Variants in SLC9A2 observed in about 807,000 individuals in gnomAD.
The protein encoded by SLC9A2 is solute carrier family 9 member A2, also known as sodium/hydrogen exchanger 2.
A neutral mutation model predicts 71.7 loss-of-function variants in SLC9A2; 42 were observed. The observed-to-expected ratio is 0.59, with a 90% CI of 0.46 to 0.76. SLC9A2 has a LOEUF of 0.76. Ranked by LOEUF, SLC9A2 falls within the 30% of genes least tolerant of loss-of-function variation. The pLI is 0.00. For synonymous variants in SLC9A2, 396 were observed against 392.5 expected (o/e 1.01, Z -0.10); for missense variants, 829 against 1,017.4 (o/e 0.81, Z 2.52).
At chr2:102,632,412 G>T (rs558463395) in intron 1 of SLC9A2, among the ~76,000 whole-genome samples, 3 of 151,674 alleles carry the variant, frequency 2.0e-5, no homozygotes, top group South Asian at 2.1e-4. Flanking sequence ...GTGATGTGTA[G>T]ACATGGGCGT....
chr2:102,632,155 C>CATATATATGTATATAT (rs1676385159), intron 1 of SLC9A2, among the ~76,000 whole-genome samples: 3 of 107,358 alleles, frequency 2.8e-5, no homozygotes, highest in African/African-American at 4.4e-5. Flanking sequence ...TACATATATA[C>CATATATATGTATATAT]ACATATATAC....
At chr2:102,642,208 T>G (rs573650736) in intron 1 of SLC9A2, among the ~76,000 whole-genome samples, 11 of 152,332 alleles carry the variant, frequency 7.2e-5, no homozygotes, top group Admixed American at 2.6e-4. Context: ...TGTGCAAGCA[T>G]TTCTTCAACA....
rs13035118 is a variant in SLC9A2, at chr2:102,671,630, T to C, written c.1004+6280T>C. ...AAATTATCTGTATTTATTTTTATGG[T>C]TTAAACCGTTTAATTTAGTAGATTC... On this transcript the variant is annotated intron_variant, in intron 3 of 11. Transcript: ENST00000233969. Among the ~76,000 whole-genome samples the C allele has an allele frequency of 9.9e-3, 1,505 of 152,326 alleles. 27 individuals are homozygous for C. Among genetic ancestry groups the C allele is most frequent in the African/African-American group, 0.032 (1,320 of 41,568 alleles).
intron 3 of SLC9A2, among the ~76,000 whole-genome samples, chr2:102,666,999 C>A (rs893375302): frequency 2.0e-5 from 3 of 152,180 alleles, no homozygotes; most frequent in African/African-American, 7.2e-5. Context: ...CATATATCAG[C>A]ACGTCTGTAT....
intron 1 of SLC9A2, among the ~76,000 whole-genome samples, chr2:102,657,214 A>AAT (rs1553425682): frequency 1.2e-4 from 18 of 151,454 alleles, no homozygotes; most frequent in African/African-American, 4.4e-4. Flanking sequence ...TCAAAAAAAA[A>AAT]AATAATAATA....
rs539921286 is a variant in SLC9A2, at chr2:102,684,243, G to A, written c.1332G>A (p.Ala444=). The A allele has an allele frequency of 9.5e-5, 154 of 1,614,088 alleles. No homozygotes were observed. Among genetic ancestry groups the A allele is most frequent in the East Asian group, 2.7e-4 (12 of 44,888 alleles). The change falls in exon 5 of 12, where the codon GCG becomes GCA. Residue 444 remains alanine, a synonymous_variant. Transcript: ENST00000233969. ...YGGLRGAICF[A]LVFLLPAAVF... is the part of the protein sequence containing the mutation. Reference sequence around the variant, plus strand: ...GACTTCGAGGTGCCATCTGTTTTGCGTTAGTGTTTCTCCTTCCTGCTGCTG... The same window carrying A: ...GACTTCGAGGTGCCATCTGTTTTGCATTAGTGTTTCTCCTTCCTGCTGCTG...
intron 11 of SLC9A2, among the ~76,000 whole-genome samples, chr2:102,707,315 T>C (rs1411162515): frequency 6.8e-6 from 1 of 147,114 alleles, no homozygotes; most frequent in Non-Finnish European, 1.5e-5. Context: ...TTTTTTTTTT[T>C]TGCTTGTTTA....
chr2:102,630,044 TA>T (rs1489726713), intron 1 of SLC9A2, among the ~76,000 whole-genome samples: 1 of 152,098 alleles, frequency 6.6e-6, no homozygotes, highest in Non-Finnish European at 1.5e-5. Flanking sequence ...TACTTGAACT[TA>T]AAAAAATTCT....
rs1676347820 is a variant in SLC9A2 at position 102,631,205 on chromosome 2, C to T, written c.289+11068C>T. The stretch of plus-strand genomic sequence containing the variant: ...TGTGGTATAGACCTGGAATTTTATA[C>T]TTCATGGGCGAATTTCCCCTGGCTC... On this transcript the variant is annotated intron_variant, in intron 1 of 11. Coordinates refer to ENST00000233969, the MANE Select transcript of SLC9A2 (RefSeq NM_003048.6). 2.0e-5 allele frequency among the ~76,000 whole-genome samples: 3 copies of T among 152,150 alleles called. No homozygotes were observed. In the South Asian group the frequency reaches 6.2e-4, roughly 32 times the overall value.
intron 5 of SLC9A2, among the ~76,000 whole-genome samples, chr2:102,690,339 A>T (rs572804362): frequency 6.6e-6 from 1 of 152,130 alleles, no homozygotes; most frequent in East Asian, 1.9e-4. Context: ...GCACAAGAGC[A>T]CTTTGGGTCA....
At chr2:102,632,137 T>TACAC (rs1491461791) in intron 1 of SLC9A2, among the ~76,000 whole-genome samples, 43,810 of 107,708 alleles carry the variant, frequency 0.41, 9,683 homozygotes, top group East Asian at 0.66. Context: ...TACATATATA[T>TACAC]GTATATATAC....
In SLC9A2 at chr2:102,704,493, A is replaced by G. The variant is rs1047786251; in HGVS notation, c.1846-51A>G. ...AGTCTTGGAATTTCTGGGGGAAATG[A>G]TCAGGTTTTTGTTTTTGTTTTTTAA... is the stretch of plus-strand genomic sequence containing the variant. On this transcript the variant is annotated intron_variant, in intron 9 of 11. Transcript: ENST00000233969. 7 of 1,565,102 alleles carry G rather than the reference A, an allele frequency of 4.5e-6. No homozygotes were observed. In the African/African-American group the frequency reaches 8.1e-5, roughly 18 times the overall value.
At position 102,701,221 on chromosome 2, in the gene SLC9A2, G is replaced by T. The variant is rs1677867574; in HGVS notation, c.1738G>T (p.Ala580Ser). 6.3e-7 allele frequency: 1 copy of T among 1,597,306 alleles called. No homozygotes were observed. Among genetic ancestry groups the T allele is most frequent in the African/African-American group, 1.4e-5 (1 of 74,046 alleles). ...TGMISTVPTF[A>S]SLNDCREEKI... ...GATGATAAGTACTGTCCCTACATTT[G>T]CATCTCTAAAGTAAGTATGGTCTTG... The change falls in exon 8 of 12, where the codon GCA becomes TCA. Residue 580 changes from alanine (A) to serine (S), a missense_variant. Ala to Ser is a moderately conservative substitution (Grantham distance 99). Around this residue, in one of 3 missense-constraint regions of SLC9A2, gnomAD observed 500 missense variants for 726.3 expected, o/e 0.69. Coordinates refer to ENST00000233969, the MANE Select transcript of SLC9A2 (RefSeq NM_003048.6).
chr2:102,703,822 T>C (rs1280932463), intron 9 of SLC9A2, among the ~76,000 whole-genome samples: 4 of 152,198 alleles, frequency 2.6e-5, no homozygotes, highest in Admixed American at 2.6e-4. Flanking sequence ...ACAGCCCTAG[T>C]TTAGAAATTT....
At chr2:102,694,058 C>T (rs926143989) in intron 5 of SLC9A2, among the ~76,000 whole-genome samples, 1 of 152,112 alleles carries the variant, frequency 6.6e-6, no homozygotes, top group African/African-American at 2.4e-5. Context: ...ATCTGTCCAC[C>T]TCGGCCTCCC....
chr2:102,649,310 T>G (rs1558707035), intron 1 of SLC9A2, among the ~76,000 whole-genome samples: 1 of 152,292 alleles, frequency 6.6e-6, no homozygotes, highest in East Asian at 1.9e-4. Flanking sequence ...TTACACCTTA[T>G]ATAAAAATTA....
intron 1 of SLC9A2, among the ~76,000 whole-genome samples, chr2:102,623,655 G>C (rs1676187512): frequency 6.6e-6 from 1 of 152,194 alleles, no homozygotes; most frequent in Admixed American, 6.5e-5. Flanking sequence ...GAGGAATTGA[G>C]CTGTGCAGGT....
At chr2:102,652,563 C>T (rs564338547) in intron 1 of SLC9A2, among the ~76,000 whole-genome samples, 1 of 152,286 alleles carries the variant, frequency 6.6e-6, no homozygotes, top group East Asian at 1.9e-4. Flanking sequence ...CCCTCACACC[C>T]CCACTTCTCA....
chr2:102,701,856 T>C (rs973946046), intron 8 of SLC9A2, among the ~76,000 whole-genome samples: 1 of 152,194 alleles, frequency 6.6e-6, no homozygotes, highest in Non-Finnish European at 1.5e-5. Flanking sequence ...TTTGTCACTC[T>C]CCATATGTCT....
Sources: allele counts gnomAD v4.1 joint callset (sites outside exome capture counted in the v4.1 genomes callset), GRCh38; gene constraint gnomAD v4.1.1; regional missense constraint gnomAD v4.1.1; transcripts MANE v1.5; gene names NCBI Gene and HGNC (gene_info 2026-07-23, HGNC 2026-07-21).